Variants in CPEB2 observed in about 807,000 individuals in gnomAD.
CPEB2 encodes the protein cytoplasmic polyadenylation element binding protein 2, also known as cytoplasmic polyadenylation element-binding protein 2.
In CPEB2, 56 loss-of-function variants were observed where a neutral mutation model predicts 93.6. The ratio of observed to expected loss-of-function variants is 0.60; its 90% CI spans 0.48 to 0.75. The LOEUF (loss-of-function observed/expected upper bound fraction) is 0.75. CPEB2 is among the 30% of genes least tolerant of loss of function. The pLI is 0.00. For missense variants in CPEB2, 1,579 were observed against 1,395.1 expected (o/e 1.13, Z -2.10); for synonymous variants, 764 against 586.3 (o/e 1.30, Z -4.38).
chr4:15,023,849 A>T (rs1362839211), intron 4 of CPEB2, among the ~76,000 whole-genome samples: 3 of 151,976 alleles, frequency 2.0e-5, no homozygotes, highest in Admixed American at 2.0e-4. Flanking sequence ...TTCTAATATG[A>T]CTTAATATCC....
chr4:15,048,791 A>G (rs1205735618), intron 6 of CPEB2, among the ~76,000 whole-genome samples: 1 of 152,098 alleles, frequency 6.6e-6, no homozygotes, highest in East Asian at 1.9e-4. Context: ...TTGAGGTGTA[A>G]GAACCTGAAA....
chr4:15,031,418 C>T (rs936352208), intron 4 of CPEB2, among the ~76,000 whole-genome samples: 4 of 152,022 alleles, frequency 2.6e-5, no homozygotes, highest in East Asian at 1.9e-4. Context: ...AGTAATGTTC[C>T]GTGTTACTGA....
At chr4:15,006,746 G>C (rs1722863694) in intron 1 of CPEB2, among the ~76,000 whole-genome samples, 2 of 152,116 alleles carry the variant, frequency 1.3e-5, no homozygotes, top group Admixed American at 1.3e-4. Flanking sequence ...AAACAATGCA[G>C]AAAAATGACA....
chr4:15,038,263 A>G (rs1320847011), intron 5 of CPEB2, among the ~76,000 whole-genome samples: 2 of 152,242 alleles, frequency 1.3e-5, no homozygotes, highest in Admixed American at 1.3e-4. Context: ...TATTTTTACC[A>G]TTTTAGTATT....
intron 5 of CPEB2, among the ~76,000 whole-genome samples, chr4:15,038,200 T>G (rs1190340427): frequency 6.6e-6 from 1 of 152,204 alleles, no homozygotes; most frequent in African/African-American, 2.4e-5. Flanking sequence ...ATTTTCTAAG[T>G]GATTATATTC....
chr4:15,039,590 G>A (rs1726975342), intron 5 of CPEB2, among the ~76,000 whole-genome samples: 1 of 151,872 alleles, frequency 6.6e-6, no homozygotes, highest in African/African-American at 2.4e-5. Flanking sequence ...TCAAATTTGT[G>A]GGGAGGAGTT....
At chr4:15,031,698 A>G (rs536936724) in intron 4 of CPEB2, among the ~76,000 whole-genome samples, 1 of 152,288 alleles carries the variant, frequency 6.6e-6, no homozygotes, top group Admixed American at 6.5e-5. Context: ...GTTAACTTAG[A>G]TCTCAGGTGA....
chr4:15,046,819 T>G (rs745775324), intron 6 of CPEB2, among the ~76,000 whole-genome samples: 3 of 152,214 alleles, frequency 2.0e-5, no homozygotes, highest in Non-Finnish European at 1.5e-5. Flanking sequence ...AATGTCTAAA[T>G]TTTAATAAAA....
Position 15,058,539 on chromosome 4 carries a change from A to G in CPEB2, c.2580A>G (p.Pro860=). ...CVSSPTIKDK[P]VQIRPWNLSD... ...CTAGCCCTACTATCAAGGACAAACC[A>G]GTAAGTAAATACCACATGAACTTCA... The change falls in exon 9 of 12, where the codon CCA becomes CCG. Residue 860 remains proline, a splice_region_variant and synonymous_variant. Transcript: ENST00000538197. 1 of 1,540,322 alleles carries G rather than the reference A, an allele frequency of 6.5e-7. No individual in the cohort carries two copies. Among genetic ancestry groups the G allele is most frequent in the Non-Finnish European group, 9.0e-7 (1 of 1,116,910 alleles).
intron 8 of CPEB2, among the ~76,000 whole-genome samples, chr4:15,057,956 T>G (rs998589968): frequency 5.9e-5 from 9 of 152,164 alleles, no homozygotes; most frequent in Non-Finnish European, 1.2e-4. Context: ...AGGGCATTTA[T>G]AGCAAACTCT....
rs756160096 is a variant in CPEB2, at chr4:15,004,075, G to C, written c.1402G>C (p.Val468Leu). 2 of 1,565,654 alleles carry C rather than the reference G, an allele frequency of 1.3e-6. No individual in the cohort carries two copies. The highest frequency in any genetic ancestry group is 1.8e-5 in the Admixed American group (1 of 54,218). ...NPAFFPSFSP[V>L]SPHGCTGLSV... Reference sequence around the variant, plus strand: ...GGCCTTCTTCCCTAGCTTCTCGCCCGTGTCGCCGCACGGCTGCACTGGGCT... The same window carrying C: ...GGCCTTCTTCCCTAGCTTCTCGCCCCTGTCGCCGCACGGCTGCACTGGGCT... The change falls in exon 1 of 12, where the codon GTG becomes CTG. Residue 468 changes from valine to leucine, a missense_variant. Physicochemically the swap from Val to Leu is conservative, Grantham distance 32. Coordinates refer to ENST00000538197, the MANE Select transcript of CPEB2 (RefSeq NM_001177382.2).
rs560620902 is a variant in CPEB2 at position 15,035,225 on chromosome 4, TG to T, written c.2176+2016del. On this transcript the variant is annotated intron_variant, in intron 5 of 11. Transcript: ENST00000538197. ...AGTCTTTTTTTCTTTTTTTTTGTAG[TG>T]GTGTAATAGTAGCTAGCTCATAGTG... Among the ~76,000 whole-genome samples the T allele has an allele frequency of 1.9e-3, 293 of 151,862 alleles. 1 individual carries two copies. The highest frequency in any genetic ancestry group is 6.7e-3 in the African/African-American group (276 of 41,482).
rs1448648949 is a variant in CPEB2 at position 15,068,110 on chromosome 4, A to T, written c.*1730A>T. On this transcript the variant is annotated 3_prime_UTR_variant, in exon 12 of 12. Transcript: ENST00000538197. ...AAATGTTTTTTAAAAATGCAGAACT[A>T]AGATTTTTGACTCTAAAGAGAGAAA... is the stretch of plus-strand genomic sequence containing the variant. 6.6e-6 allele frequency: 1 copy of T among 152,322 alleles called. No homozygotes were observed. The highest frequency in any genetic ancestry group is 1.9e-4 in the East Asian group (1 of 5,170). The allele number at this position is 152,322 out of a possible 1,614,324, so 9.4% of individuals were successfully genotyped here.
intron 5 of CPEB2, among the ~76,000 whole-genome samples, chr4:15,038,629 C>G (rs1267679849): frequency 6.7e-6 from 1 of 149,944 alleles, no homozygotes; most frequent in African/African-American, 2.5e-5. Flanking sequence ...CGTTCTGTCT[C>G]CCAGGCTGGA....
intron 1 of CPEB2, chr4:15,004,998 C>G (rs1444713651): frequency 6.6e-6 from 1 of 152,154 alleles, no homozygotes; most frequent in Non-Finnish European, 1.5e-5. Flanking sequence ...CTCAGCCCCT[C>G]GGGCGGTCAG....
In CPEB2 at chr4:15,003,989, C is replaced by A. The variant is rs1464848800; in HGVS notation, c.1316C>A (p.Pro439Gln). ...AGCGGCGGCTCGCTCAGCGCCATGC[C>A]GCCGCCCAGCCCCGACTCAGAGAAC... Reference protein sequence around the residue: ...GGSGGSLSAMPPPSPDSENGF... With the variant: ...GGSGGSLSAMQPPSPDSENGF... Residue 439 changes from proline to glutamine, a missense_variant, in exon 1 of 12, where the codon CCG (proline) becomes CAG (glutamine). By Grantham distance (76) the Pro-to-Gln change is moderately conservative. Around this residue, in one of 2 missense-constraint regions of CPEB2, gnomAD observed 1,411 missense variants for 1,056.0 expected, o/e 1.34. Coordinates refer to ENST00000538197, the MANE Select transcript of CPEB2 (RefSeq NM_001177382.2). The A allele has an allele frequency of 2.0e-6, 3 of 1,497,818 alleles. 1 individual carries two copies. Among genetic ancestry groups the A allele is most frequent in the Middle Eastern group, 3.7e-4 (2 of 5,342 alleles). The allele number at this position is 1,497,818 out of a possible 1,614,324, so 92.8% of individuals were successfully genotyped here. A position where few individuals can be genotyped will look rare whatever the true frequency, so the allele number is the denominator to read the frequency against.
intron 6 of CPEB2, among the ~76,000 whole-genome samples, chr4:15,051,649 T>C (rs1476972779): frequency 6.6e-6 from 1 of 152,268 alleles, no homozygotes; most frequent in Admixed American, 6.5e-5. Flanking sequence ...TCTGAGCACT[T>C]TGAAGCTTTC....
chr4:15,016,242 T>A (rs1233510269), intron 3 of CPEB2, among the ~76,000 whole-genome samples: 1 of 152,002 alleles, frequency 6.6e-6, no homozygotes, highest in African/African-American at 2.4e-5. Context: ...TATACACATA[T>A]GTAACTGGGT....
At chr4:15,011,283 C>G (rs890760456) in intron 3 of CPEB2, among the ~76,000 whole-genome samples, 2 of 151,786 alleles carry the variant, frequency 1.3e-5, no homozygotes, top group African/African-American at 2.4e-5. Context: ...ATATTATTAG[C>G]AGAGACAGGG....
Sources: allele counts gnomAD v4.1 joint callset (sites outside exome capture counted in the v4.1 genomes callset), GRCh38; gene constraint gnomAD v4.1.1; regional missense constraint gnomAD v4.1.1; transcripts MANE v1.5; gene names NCBI Gene and HGNC (gene_info 2026-07-23, HGNC 2026-07-21).